NUP214: variants seen among roughly 807,000 people sequenced by gnomAD.
NUP214 encodes nucleoporin 214.
NUP214 carries 79 observed loss-of-function variants against 196.2 expected under a neutral mutation model. That is an observed-to-expected ratio of 0.40 (90% CI 0.34 to 0.49). The LOEUF (loss-of-function observed/expected upper bound fraction) is 0.49, where lower values mean the gene tolerates loss of function less well. Ranked by LOEUF, NUP214 falls within the 20% of genes least tolerant of loss-of-function variation. The probability of loss-of-function intolerance (pLI) is 0.58; values close to 1 mark genes in which losing one functional copy is unlikely to be tolerated. For missense variants in NUP214, 2,468 were observed against 2,539.0 expected (o/e 0.97, Z 0.60); for synonymous variants, 1,020 against 990.5 (o/e 1.03, Z -0.56).
chr9:131,195,409 C>A, intron 28 of NUP214, 115 bp downstream of exon 28: 1 of 809,154 alleles, frequency 1.2e-6, no homozygotes, highest in Non-Finnish European at 2.2e-6. Context: ...ACAGTATCTG[C>A]AATAAGCTCA....
At chr9:131,182,985 G>C (rs1308181262) in intron 24 of NUP214, among the ~76,000 whole-genome samples, 1 of 152,168 alleles carries the variant, frequency 6.6e-6, no homozygotes, top group Non-Finnish European at 1.5e-5. Flanking sequence ...TCTAACAGCA[G>C]TATTCTATTT....
At chr9:131,222,966 A>C (rs370072676) in intron 32 of NUP214, 36 bp downstream of exon 32, 12 of 1,598,528 alleles carry the variant, frequency 7.5e-6, no homozygotes, top group Non-Finnish European at 1.0e-5. Flanking sequence ...TTATCTTTAT[A>C]TATGTATTTG....
At chr9:131,157,461 T>G (rs934945614) in intron 17 of NUP214, among the ~76,000 whole-genome samples, 2 of 123,962 alleles carry the variant, frequency 1.6e-5, no homozygotes, top group Non-Finnish European at 3.4e-5. Context: ...TGTCTGGCGT[T>G]TTTTTTTTTT....
At chr9:131,207,396 G>C (rs556673224) in intron 30 of NUP214, among the ~76,000 whole-genome samples, 11 of 152,348 alleles carry the variant, frequency 7.2e-5, no homozygotes, top group Non-Finnish European at 1.5e-4. Context: ...TCTGATGTCA[G>C]TGGTTGGCTT....
intron 32 of NUP214, among the ~76,000 whole-genome samples, chr9:131,227,465 G>A (rs1214715200): frequency 6.6e-6 from 1 of 151,694 alleles, no homozygotes; most frequent in Non-Finnish European, 1.5e-5. Flanking sequence ...ATTCCAGACT[G>A]CAGGAAAAAA....
At chr9:131,157,208 T>C (rs1039018705) in intron 17 of NUP214, among the ~76,000 whole-genome samples, 54 of 151,580 alleles carry the variant, frequency 3.6e-4, no homozygotes, top group African/African-American at 1.3e-3. Context: ...TGGGCCAGAG[T>C]GTGTGGTGCG....
chr9:131,216,661 G>A (rs1170664353), intron 31 of NUP214, among the ~76,000 whole-genome samples: 1 of 151,346 alleles, frequency 6.6e-6, no homozygotes, highest in African/African-American at 2.4e-5. Context: ...CGAGTAGCTG[G>A]GATTACAGGC....
intron 24 of NUP214, among the ~76,000 whole-genome samples, chr9:131,183,311 C>G (rs886077100): frequency 6.6e-6 from 1 of 152,240 alleles, no homozygotes; most frequent in African/African-American, 2.4e-5. Context: ...TCTCGAACTC[C>G]TGACCTCAGG....
intron 32 of NUP214, among the ~76,000 whole-genome samples, chr9:131,223,614 G>C (rs1318164335): frequency 1.3e-5 from 2 of 150,580 alleles, no homozygotes; most frequent in East Asian, 3.9e-4. Flanking sequence ...TGGATTTGTT[G>C]GGGTTCCCAT....
At chr9:131,209,837 CT>C (rs1834187235) in intron 30 of NUP214, among the ~76,000 whole-genome samples, 1 of 152,168 alleles carries the variant, frequency 6.6e-6, no homozygotes, top group Admixed American at 6.5e-5. Flanking sequence ...TAAAGCAGCA[CT>C]AAAAAGTAGA....
intron 10 of NUP214, 81 bp from the exon 11 acceptor site, chr9:131,140,468 A>G (rs1831875865): frequency 8.2e-7 from 1 of 1,225,274 alleles, no homozygotes; most frequent in South Asian, 1.5e-5. Context: ...AACCCTCTTC[A>G]TGTTGAGGGC....
At chr9:131,200,829 A>G (rs766766310) in intron 29 of NUP214, among the ~76,000 whole-genome samples, 4 of 152,032 alleles carry the variant, frequency 2.6e-5, no homozygotes, top group South Asian at 2.1e-4. Context: ...CACTTCAACC[A>G]TGTTATGCCA....
chr9:131,212,544 G>T (rs907616996), intron 30 of NUP214, among the ~76,000 whole-genome samples: 1 of 152,024 alleles, frequency 6.6e-6, no homozygotes, highest in African/African-American at 2.4e-5. Flanking sequence ...CAGACTGGCC[G>T]ACACTTAGGG....
In NUP214 at chr9:131,230,665, C is replaced by A; in HGVS notation, c.6110C>A (p.Thr2037Lys). The part of the protein sequence containing the change: ...GSSSNTTSFG[T>K]LASQNAPTFG... ...AGCAGCAACACCACATCCTTCGGCA[C>A]GCTCGCGAGTCAGAATGCCCCCACT... Residue 2037 changes from threonine to lysine, a missense_variant, in exon 34 of 36, where the codon ACG becomes AAG. Thr to Lys is a moderately conservative substitution (Grantham distance 78). Coordinates refer to ENST00000359428, the MANE Select transcript of NUP214 (RefSeq NM_005085.4). 6.2e-7 allele frequency: 1 copy of A among 1,614,130 alleles called. No individual in the cohort carries two copies. The highest frequency in any genetic ancestry group is 8.5e-7 in the Non-Finnish European group (1 of 1,180,012).
intron 9 of NUP214, among the ~76,000 whole-genome samples, chr9:131,136,988 G>T (rs903477400): frequency 7.6e-4 from 116 of 152,296 alleles, no homozygotes; most frequent in Non-Finnish European, 7.5e-4. Flanking sequence ...TCAACCATTG[G>T]CATTTATCTG....
At position 131,232,351 on chromosome 9, in the gene NUP214, T is replaced by TAA; in HGVS notation, c.6239+45_6239+46dup. ...TGAGTCTCACCTTAATTAAAAGCAT[T>TAA]AAATAAGGTTGGAAGTGTGTGGATC... On this transcript the variant is annotated intron_variant, in intron 35 of 35. Coordinates refer to ENST00000359428, the MANE Select transcript of NUP214 (RefSeq NM_005085.4). This position sits in a 1 kb window ranked among gnomAD's most constrained non-coding sequence, Gnocchi z 5.1. 1 of 1,582,026 alleles carries TAA rather than the reference T, an allele frequency of 6.3e-7. No individual in the cohort carries two copies. The highest frequency in any genetic ancestry group is 8.7e-7 in the Non-Finnish European group (1 of 1,150,680).
intron 17 of NUP214, among the ~76,000 whole-genome samples, chr9:131,152,242 T>C (rs1047275487): frequency 1.3e-5 from 2 of 152,088 alleles, no homozygotes; most frequent in African/African-American, 4.8e-5. Flanking sequence ...GCCTCCTGAG[T>C]AGCCAGGACC....
In NUP214 at chr9:131,125,642, G is replaced by A. The variant is rs539660968; in HGVS notation, c.-63G>A. 63 of 1,542,378 alleles carry A rather than the reference G, an allele frequency of 4.1e-5. No homozygotes were observed. Among genetic ancestry groups the A allele is most frequent in the Non-Finnish European group, 5.3e-5 (61 of 1,142,752 alleles). ...GAGGAAGTTTGCTGTCGAGCGGCCTGGGTTCCGTGGGCAAGGCCGTGGGAG... is the reference window on the plus strand; with the variant it reads ...GAGGAAGTTTGCTGTCGAGCGGCCTAGGTTCCGTGGGCAAGGCCGTGGGAG... On this transcript the variant is annotated 5_prime_UTR_variant, in exon 1 of 36. Transcript: ENST00000359428. This position sits in a 1 kb window ranked among gnomAD's most constrained non-coding sequence, Gnocchi z 4.1.
At chr9:131,141,671 G>T (rs1831920260) in intron 11 of NUP214, 1 of 151,920 alleles carries the variant, frequency 6.6e-6, no homozygotes, top group African/African-American at 2.4e-5. Flanking sequence ...TAGAGATAGG[G>T]TCTTACTGTG....
Sources: gnomAD v4.1 joint callset for allele counts (sites outside exome capture counted in the v4.1 genomes callset) on GRCh38, gnomAD v4.1.1 for gene constraint, Gnocchi (gnomAD v3.1) non-coding constraint, MANE v1.5 for transcripts, NCBI Gene and HGNC (gene_info 2026-07-23, HGNC 2026-07-21) for gene names.